Variants in PDS5A observed in about 807,000 individuals in gnomAD.
The protein encoded by PDS5A is PDS5 cohesin associated factor A.
Under a neutral mutation model 167.1 loss-of-function variants are expected in PDS5A, and 42 were observed. The observed-to-expected ratio is 0.25, with a 90% CI of 0.20 to 0.33. The LOEUF (loss-of-function observed/expected upper bound fraction) is 0.33. PDS5A is among the 10% of genes least tolerant of loss of function. The probability of loss-of-function intolerance (pLI) is 1.00; values close to 1 mark genes in which losing one functional copy is unlikely to be tolerated. For synonymous variants in PDS5A, 553 were observed against 554.6 expected (o/e 1.00, Z 0.04); for missense variants, 1,033 against 1,605.9 (o/e 0.64, Z 6.10).
At chr4:39,936,841 C>G (rs756076274) in intron 2 of PDS5A, 1 of 152,084 alleles carries the variant, frequency 6.6e-6, no homozygotes, top group Non-Finnish European at 1.5e-5. Context: ...TGGGGAATAC[C>G]AGGTGCTGTG....
At chr4:39,849,177 T>C (rs921386451) in intron 27 of PDS5A, among the ~76,000 whole-genome samples, 3 of 152,146 alleles carry the variant, frequency 2.0e-5, no homozygotes, top group Admixed American at 2.0e-4. Flanking sequence ...TGGATGCCAA[T>C]ATGCATGGAA....
intron 32 of PDS5A, among the ~76,000 whole-genome samples, chr4:39,835,009 C>T (rs935946077): frequency 6.6e-6 from 1 of 152,160 alleles, no homozygotes; most frequent in African/African-American, 2.4e-5. Flanking sequence ...CTCACTCTGT[C>T]GTCCAGACTG....
rs535420692 is a variant in PDS5A at position 39,879,070 on chromosome 4, A to G, written c.1992+658T>C. ...TGAAATGATATTTAAGACCCTTGGAATATGATCCCATCATTCTTTTTCTAT... is the reference window on the plus strand; with the variant it reads ...TGAAATGATATTTAAGACCCTTGGAGTATGATCCCATCATTCTTTTTCTAT... On this transcript the variant is annotated intron_variant, in intron 18 of 32. Coordinates refer to ENST00000303538, the MANE Select transcript of PDS5A (RefSeq NM_001100399.2). Among the ~76,000 whole-genome samples, 4 of 152,310 alleles carry G rather than the reference A, an allele frequency of 2.6e-5. No homozygotes were observed. In the South Asian group the frequency reaches 8.3e-4, roughly 32 times the overall value.
intron 2 of PDS5A, among the ~76,000 whole-genome samples, chr4:39,968,315 A>C (rs892514582): frequency 1.3e-5 from 2 of 150,936 alleles, no homozygotes; most frequent in Admixed American, 6.6e-5. Context: ...TTCAGAACCC[A>C]CAACTATATG....
chr4:39,923,114 AC>A (rs1725144054), intron 5 of PDS5A, among the ~76,000 whole-genome samples: 1 of 152,098 alleles, frequency 6.6e-6, no homozygotes, highest in Non-Finnish European at 1.5e-5. Flanking sequence ...GGATCACCTG[AC>A]ATCAGGAGTT....
intron 31 of PDS5A, among the ~76,000 whole-genome samples, chr4:39,839,900 C>T (rs1716809475): frequency 6.6e-6 from 1 of 151,864 alleles, no homozygotes; most frequent in African/African-American, 2.4e-5. Flanking sequence ...TCAAGACCAG[C>T]CTGGCCAACA....
At chr4:39,959,003 G>A (rs1173298340) in intron 2 of PDS5A, among the ~76,000 whole-genome samples, 4 of 152,126 alleles carry the variant, frequency 2.6e-5, no homozygotes, top group Admixed American at 2.6e-4. Context: ...GCCTACCCAA[G>A]TCTGAGACTT....
chr4:39,886,277 T>C lies in PDS5A; in HGVS notation c.1886+3972A>G, dbSNP rs552947203. 3.4e-4 allele frequency among the ~76,000 whole-genome samples: 52 copies of C among 152,362 alleles called. 1 individual carries two copies. The highest frequency in any genetic ancestry group is 1.1e-3 in the African/African-American group (47 of 41,594). ...CTCCAGCTTTTGTTCTCTTTCCTCA[T>C]ATTGCTTTGGCTATTTGAGTCTTTT... On this transcript the variant is annotated intron_variant, in intron 17 of 32. Transcript: ENST00000303538.
At chr4:39,939,680 C>T (rs921478061) in intron 2 of PDS5A, among the ~76,000 whole-genome samples, 16 of 151,844 alleles carry the variant, frequency 1.1e-4, no homozygotes, top group African/African-American at 3.1e-4. Context: ...TGTAGAAATC[C>T]CAGGTACTTG....
At chr4:39,834,417 C>G (rs1416695641) in intron 32 of PDS5A, among the ~76,000 whole-genome samples, 2 of 152,166 alleles carry the variant, frequency 1.3e-5, no homozygotes, top group East Asian at 3.8e-4. Flanking sequence ...ACCAGAGAGT[C>G]CTCCTCCACC....
chr4:39,891,687 T>C (rs1005218863), intron 16 of PDS5A, among the ~76,000 whole-genome samples: 7 of 146,604 alleles, frequency 4.8e-5, no homozygotes, highest in Non-Finnish European at 7.6e-5. Flanking sequence ...TATATATATA[T>C]ACTTGCAAAA....
In PDS5A at chr4:39,869,481, A is replaced by T; in HGVS notation, c.2437-19T>A. On this transcript the variant is annotated intron_variant, in intron 21 of 32. Coordinates refer to ENST00000303538, the MANE Select transcript of PDS5A (RefSeq NM_001100399.2). The stretch of plus-strand genomic sequence containing the variant: ...CTGTTGACTATAGACAATTGAATAA[A>T]TTTAGCTATTAGCATGAAAAAAAAA... 1 of 1,491,520 alleles carries T rather than the reference A, an allele frequency of 6.7e-7. No individual in the cohort carries two copies. Among genetic ancestry groups the T allele is most frequent in the Middle Eastern group, 1.7e-4 (1 of 5,814 alleles). The allele number at this position is 1,491,520 out of a possible 1,614,324, so 92.4% of individuals were successfully genotyped here. A position where few individuals can be genotyped will look rare whatever the true frequency, so the allele number is the denominator to read the frequency against.
chr4:39,885,240 C>G (rs1721323126), intron 17 of PDS5A, among the ~76,000 whole-genome samples: 1 of 117,226 alleles, frequency 8.5e-6, no homozygotes, highest in Non-Finnish European at 1.8e-5. Flanking sequence ...GAGCAAGATT[C>G]CTTCTTAAAA....
chr4:39,927,679 G>A (rs1362894959), intron 3 of PDS5A, among the ~76,000 whole-genome samples: 1 of 152,148 alleles, frequency 6.6e-6, no homozygotes, highest in Non-Finnish European at 1.5e-5. Context: ...CTGGAACATA[G>A]CTATCTGGGC....
At chr4:39,864,264 T>C (rs991339550) in intron 23 of PDS5A, among the ~76,000 whole-genome samples, 10 of 152,196 alleles carry the variant, frequency 6.6e-5, no homozygotes, top group African/African-American at 1.9e-4. Flanking sequence ...TCTAGTTTAA[T>C]GCCTGCTGAA....
intron 26 of PDS5A, among the ~76,000 whole-genome samples, chr4:39,851,675 T>C (rs1718135296): frequency 6.6e-6 from 1 of 152,200 alleles, no homozygotes; most frequent in East Asian, 1.9e-4. Flanking sequence ...CAGGTCTGCT[T>C]TTATACTTTT....
Position 39,922,767 on chromosome 4 carries a change from A to C in PDS5A, c.528-19T>G. 1.4e-6 allele frequency: 2 copies of C among 1,460,148 alleles called. No individual in the cohort carries two copies. Among genetic ancestry groups the C allele is most frequent in the Non-Finnish European group, 1.8e-6 (2 of 1,103,892 alleles). The allele number at this position is 1,460,148 out of a possible 1,614,324, so 90.4% of individuals were successfully genotyped here. A position where few individuals can be genotyped will look rare whatever the true frequency, so the allele number is the denominator to read the frequency against. ...GCTATTGCTATAAAAAAAAAAAAAA[A>C]AGAATAAGTAGTAGGAGGAGGAAAA... On this transcript the variant is annotated intron_variant, in intron 5 of 32. Coordinates refer to ENST00000303538, the MANE Select transcript of PDS5A (RefSeq NM_001100399.2).
intron 2 of PDS5A, among the ~76,000 whole-genome samples, chr4:39,953,863 T>C (rs965686057): frequency 1.3e-5 from 2 of 152,192 alleles, no homozygotes; most frequent in Non-Finnish European, 2.9e-5. Context: ...TTTGTCCTAT[T>C]GTGAACTGAC....
At position 39,890,388 on chromosome 4, in the gene PDS5A, CA is replaced by C. The variant is rs377673955; in HGVS notation, c.1771-25del. On this transcript the variant is annotated intron_variant, in intron 16 of 32. Coordinates refer to ENST00000303538, the MANE Select transcript of PDS5A (RefSeq NM_001100399.2). ...CTCTATAGAAAGAAAGGAGTTTTAC[CA>C]AAAACGTGATTTGCTTTCATATTTT... The C allele has an allele frequency of 9.8e-4, 1,205 of 1,235,302 alleles. 21 individuals carry two copies. In the South Asian group the frequency reaches 0.016, roughly 16 times the overall value. 76.5% of individuals were successfully genotyped at this position (1,235,302 alleles called of 1,614,324 possible).
Sources: gnomAD v4.1 joint callset for allele counts (sites outside exome capture counted in the v4.1 genomes callset) on GRCh38, gnomAD v4.1.1 for gene constraint, MANE v1.5 for transcripts, NCBI Gene and HGNC (gene_info 2026-07-23, HGNC 2026-07-21) for gene names.